The following RUNX1T1 variants were observed in gnomAD, a reference collection of about 807,000 sequenced individuals.
The protein encoded by RUNX1T1 is protein CBFA2T1.
Under a neutral mutation model 62.8 loss-of-function variants are expected in RUNX1T1, and 4 were observed. The observed-to-expected ratio is 0.06, with a 90% confidence interval of 0.03 to 0.15. The LOEUF (loss-of-function observed/expected upper bound fraction) is 0.15, where lower values mean the gene tolerates loss of function less well. Ranked by LOEUF, RUNX1T1 falls within the 10% of genes least tolerant of loss-of-function variation. The pLI, the probability that RUNX1T1 is intolerant of heterozygous loss-of-function variation, is 1.00. For synonymous variants in RUNX1T1, 291 were observed against 286.0 expected, an observed-to-expected ratio of 1.02 and a Z score of -0.18; for missense variants, 508 against 754.3, an observed-to-expected ratio of 0.67 and a Z score of 3.82.
chr8:92,001,960 G>T (rs541537580), intron 5 of RUNX1T1, among the ~76,000 whole-genome samples: 1 of 152,076 alleles, frequency 6.6e-6, no homozygotes, highest in Non-Finnish European at 1.5e-5. Context: ...GAGTCACCAC[G>T]GTGAGCAGTT....
At chr8:91,979,682 C>A (rs767004903) in intron 8 of RUNX1T1, 4 of 335,174 alleles carry the variant, frequency 1.2e-5, no homozygotes, top group Non-Finnish European at 2.4e-5. Flanking sequence ...GAGAGGAGAC[C>A]AGGTCAGAGT....
upstream of RUNX1T1, among the ~76,000 whole-genome samples, chr8:92,102,365 G>A (rs1316227900): frequency 6.6e-6 from 1 of 151,794 alleles, no homozygotes; most frequent in Admixed American, 6.6e-5. The surrounding 1 kb of genome is among the most constrained non-coding windows in gnomAD (Gnocchi z 4.5). Flanking sequence ...TTACTCCTTA[G>A]GGCTAAGTTT....
At chr8:92,056,416 G>T (rs1831044807) in intron 1 of RUNX1T1, among the ~76,000 whole-genome samples, 1 of 152,030 alleles carries the variant, frequency 6.6e-6, no homozygotes, top group Non-Finnish European at 1.5e-5. Context: ...TGTTCTCATA[G>T]GTACTTTTAA....
At chr8:92,100,989 C>T (rs1242345595), upstream of RUNX1T1, among the ~76,000 whole-genome samples, 2 of 152,126 alleles carry the variant, frequency 1.3e-5, no homozygotes, top group African/African-American at 4.8e-5. Context: ...AAAGGAGGCC[C>T]CCAACACTAA....
intron 1 of RUNX1T1, among the ~76,000 whole-genome samples, chr8:92,050,181 T>C (rs1454120454): frequency 1.3e-5 from 2 of 152,094 alleles, no homozygotes; most frequent in African/African-American, 4.8e-5. Flanking sequence ...GAAGAAGAAA[T>C]CAGGGGGAGG....
chr8:92,087,948 C>G (rs957093550), intron 1 of RUNX1T1, among the ~76,000 whole-genome samples: 10 of 152,202 alleles, frequency 6.6e-5, no homozygotes, highest in Non-Finnish European at 1.5e-5. Context: ...TTAACTCTTC[C>G]TTTAGACATG....
chr8:92,075,551 CTATT>C (rs1587492923), intron 2 of RUNX1T1, among the ~76,000 whole-genome samples: 1 of 152,070 alleles, frequency 6.6e-6, no homozygotes, highest in African/African-American at 2.4e-5. Flanking sequence ...AGTTTTTTGC[CTATT>C]TAGTCAACAA....
At chr8:92,057,919 G>A (rs1831294604) in intron 1 of RUNX1T1, among the ~76,000 whole-genome samples, 1 of 152,092 alleles carries the variant, frequency 6.6e-6, no homozygotes, top group South Asian at 2.1e-4. Context: ...AAACCAAAAT[G>A]AATGCCCTAT....
At chr8:91,955,544 C>T (rs1809229226), downstream of RUNX1T1, 1 of 225,760 alleles carries the variant, frequency 4.4e-6, no homozygotes, top group Admixed American at 5.7e-5. Context: ...CTACATTTCC[C>T]AGGAAGACAA....
At chr8:92,015,770 C>T (rs1822867746) in intron 2 of RUNX1T1, among the ~76,000 whole-genome samples, 1 of 152,240 alleles carries the variant, frequency 6.6e-6, no homozygotes, top group South Asian at 2.1e-4. Context: ...GTTTTAAAGA[C>T]CATGTTATGC....
chr8:91,982,976 C>T (rs1815717917), intron 8 of RUNX1T1, among the ~76,000 whole-genome samples: 1 of 127,264 alleles, frequency 7.9e-6, no homozygotes, highest in African/African-American at 3.0e-5. Flanking sequence ...CGTCTAGGCT[C>T]GAGTGCAATG....
exon 5 of RUNX1T1, chr8:92,005,222 C>T (rs1392053333): frequency 3.2e-5 from 52 of 1,613,790 alleles, no homozygotes; most frequent in Non-Finnish European, 3.9e-5. Context: ...TCATGCTGGG[C>T]GAGGTACTGG....
chr8:91,997,833 A>G (rs1396312627), intron 5 of RUNX1T1, among the ~76,000 whole-genome samples: 3 of 152,216 alleles, frequency 2.0e-5, no homozygotes, highest in East Asian at 3.9e-4. Context: ...AGCTCCTTGA[A>G]AAATGAGTAA....
intron 2 of RUNX1T1, among the ~76,000 whole-genome samples, chr8:92,016,404 C>T (rs989897761): frequency 6.6e-6 from 1 of 152,142 alleles, no homozygotes; most frequent in Non-Finnish European, 1.5e-5. Flanking sequence ...CGACCGGGTG[C>T]GGTGGCTCAC....
At chr8:92,036,109 A>G (rs898001863) in intron 1 of RUNX1T1, among the ~76,000 whole-genome samples, 4 of 152,214 alleles carry the variant, frequency 2.6e-5, no homozygotes, top group African/African-American at 4.8e-5. Flanking sequence ...GGAATCATTT[A>G]TATTTCATAT....
At chr8:92,010,221 G>A (rs1202328065) in intron 4 of RUNX1T1, 2 of 152,148 alleles carry the variant, frequency 1.3e-5, no homozygotes, top group Non-Finnish European at 2.9e-5. Flanking sequence ...AAAGGGGAGT[G>A]CAAATGAAAC....
chr8:91,996,015 C>T (rs202197357), intron 5 of RUNX1T1, among the ~76,000 whole-genome samples: 1 of 152,082 alleles, frequency 6.6e-6, no homozygotes, highest in East Asian at 1.9e-4. Context: ...GGTTGAACTC[C>T]ATATTTGCAT....
chr8:92,014,435 T>G (rs141540853), intron 3 of RUNX1T1, 144 bp downstream of exon 4: 3 of 771,528 alleles, frequency 3.9e-6, no homozygotes, highest in Admixed American at 6.0e-5. Context: ...ACTGTCACTA[T>G]AGCATGAATC....
Position 92,032,537 on chromosome 8 carries a change from A to G in RUNX1T1, c.8-15174T>C, listed in dbSNP as rs529925852. Among the ~76,000 whole-genome samples the G allele has an allele frequency of 8.5e-5, 13 of 152,356 alleles. No homozygotes were observed. In the South Asian group the frequency reaches 2.7e-3, roughly 32 times the overall value. ...AGCAAAATGTACCATAAATAAAGTA[A>G]AAGGAAAGTAAAAAGGCAAGTAACA... On this transcript the variant is annotated intron_variant, in intron 1 of 10. Transcript: ENST00000396218.
Sources: gnomAD v4.1 joint callset for allele counts (sites outside exome capture counted in the v4.1 genomes callset) on GRCh38, gnomAD v4.1.1 for gene constraint, Gnocchi (gnomAD v3.1) non-coding constraint, MANE v1.5 for transcripts, NCBI Gene and HGNC (gene_info 2026-07-23, HGNC 2026-07-21) for gene names.